PTPRD: variants seen among roughly 807,000 people sequenced by gnomAD.
The protein encoded by PTPRD is protein tyrosine phosphatase receptor type D, also known as receptor-type tyrosine-protein phosphatase delta.
Under a neutral mutation model 214.5 loss-of-function variants are expected in PTPRD, and 34 were observed. The ratio of observed to expected loss-of-function variants is 0.16; its 90% CI spans 0.12 to 0.21. PTPRD has a LOEUF of 0.21. Ranked by LOEUF, PTPRD falls within the 10% of genes least tolerant of loss-of-function variation. PTPRD has a pLI of 1.00. For synonymous variants in PTPRD, 1,128 were observed against 845.7 expected (o/e 1.33, Z -5.79); for missense variants, 2,545 against 2,398.7 (o/e 1.06, Z -1.27).
intron 2 of PTPRD, among the ~76,000 whole-genome samples, chr9:10,372,783 A>G (rs982399056): frequency 6.6e-6 from 1 of 151,752 alleles, no homozygotes; most frequent in African/African-American, 2.4e-5. Context: ...AAGTGTGACT[A>G]GCTTTTAGGC....
intron 5 of PTPRD, among the ~76,000 whole-genome samples, chr9:9,778,371 C>A (rs542583395): frequency 1.3e-5 from 2 of 152,210 alleles, no homozygotes; most frequent in South Asian, 4.1e-4. Context: ...AGGGGGATTT[C>A]CCTGGGGAAA....
intron 5 of PTPRD, among the ~76,000 whole-genome samples, chr9:9,928,025 G>A (rs2084958955): frequency 1.3e-5 from 2 of 152,210 alleles, no homozygotes; most frequent in South Asian, 4.1e-4. Flanking sequence ...AATGACTAAT[G>A]AACTCTGCTT....
chr9:8,666,033 A>G (rs2097162853), intron 12 of PTPRD, among the ~76,000 whole-genome samples: 1 of 142,400 alleles, frequency 7.0e-6, no homozygotes, highest in East Asian at 2.1e-4. Flanking sequence ...TAGGCGTTTC[A>G]TAACTGTTTT....
chr9:9,017,485 T>G (rs1589859614), intron 11 of PTPRD, among the ~76,000 whole-genome samples: 1 of 152,166 alleles, frequency 6.6e-6, no homozygotes, highest in South Asian at 2.1e-4. Flanking sequence ...AACTGTAAAT[T>G]TGAATTGTTT....
chr9:9,301,668 G>T (rs781240449), intron 9 of PTPRD, among the ~76,000 whole-genome samples: 1 of 151,800 alleles, frequency 6.6e-6, no homozygotes, highest in Non-Finnish European at 1.5e-5. Context: ...TGTCTCAATT[G>T]TTTATTGCAT....
At chr9:8,713,831 C>G (rs1278056389) in intron 12 of PTPRD, 5 of 1,504,438 alleles carry the variant, frequency 3.3e-6, no homozygotes, top group Non-Finnish European at 4.5e-6. Context: ...AGGCCCAACA[C>G]CTTCTTCTAG....
At chr9:9,987,893 A>G (rs2095778118) in intron 4 of PTPRD, among the ~76,000 whole-genome samples, 1 of 152,180 alleles carries the variant, frequency 6.6e-6, no homozygotes, top group Non-Finnish European at 1.5e-5. Context: ...TGCAGAAGGA[A>G]TGTTATTTAC....
intron 11 of PTPRD, among the ~76,000 whole-genome samples, chr9:9,014,467 A>T (rs574416996): frequency 6.6e-6 from 1 of 152,288 alleles, no homozygotes; most frequent in Non-Finnish European, 1.5e-5. Context: ...TAAAAGTGTT[A>T]ATATGAACGA....
chr9:9,063,458 A>C (rs1569521473), intron 10 of PTPRD, among the ~76,000 whole-genome samples: 1 of 152,318 alleles, frequency 6.6e-6, no homozygotes, highest in East Asian at 1.9e-4. Context: ...GGCTTCCCTT[A>C]TCCTATCAAA....
rs78806191 is a variant in PTPRD, at chr9:8,374,572, C to T, written c.4661+1364G>A. Reference sequence around the variant, plus strand: ...TCTAGATAAGACTTGAGGCCGATTACGCCATCACCTTCTTAGTTATCAGTA... The same window carrying T: ...TCTAGATAAGACTTGAGGCCGATTATGCCATCACCTTCTTAGTTATCAGTA... On this transcript the variant is annotated intron_variant, in intron 39 of 45. Coordinates refer to ENST00000381196, the MANE Select transcript of PTPRD (RefSeq NM_002839.4). 4.3e-3 allele frequency among the ~76,000 whole-genome samples: 653 copies of T among 152,148 alleles called. 8 individuals are homozygous for T. Among genetic ancestry groups the T allele is most frequent in the African/African-American group, 0.013 (542 of 41,532 alleles).
intron 4 of PTPRD, among the ~76,000 whole-genome samples, chr9:9,980,320 G>A (rs1170948577): frequency 4.0e-5 from 6 of 151,520 alleles, no homozygotes; most frequent in African/African-American, 1.2e-4. Context: ...TTAAAACTTC[G>A]TGGATGGGCC....
At chr9:9,168,279 T>C (rs1196995905) in intron 10 of PTPRD, among the ~76,000 whole-genome samples, 1 of 152,232 alleles carries the variant, frequency 6.6e-6, no homozygotes, top group Non-Finnish European at 1.5e-5. Context: ...CATAAAATCC[T>C]CTACAGAATA....
intron 25 of PTPRD, among the ~76,000 whole-genome samples, chr9:8,499,377 CA>C (rs1184287597): frequency 7.9e-5 from 12 of 152,032 alleles, no homozygotes; most frequent in Admixed American, 7.2e-4. Flanking sequence ...AAGGCAAACT[CA>C]AATATGGTTG....
intron 7 of PTPRD, among the ~76,000 whole-genome samples, chr9:9,728,614 G>A (rs558519214): frequency 6.6e-6 from 1 of 152,066 alleles, no homozygotes; most frequent in Non-Finnish European, 1.5e-5. Flanking sequence ...CAGAAACTAA[G>A]GCAAGAGTTG....
rs568757706 is a variant in PTPRD, at chr9:9,565,957, C to T, written c.-237+8775G>A. 3.9e-5 allele frequency among the ~76,000 whole-genome samples: 6 copies of T among 152,048 alleles called. No homozygotes were observed. The South Asian group carries it at 1.2e-3, about 32-fold the overall frequency. ...ATAATTTCATTTTTTTACTCTCTAA[C>T]AGGCCAGAAGTGTCAGATGGATTTA... is the stretch of plus-strand genomic sequence containing the variant. On this transcript the variant is annotated intron_variant, in intron 8 of 45. Transcript: ENST00000381196.
chr9:9,340,074 G>A (rs1029759093), intron 9 of PTPRD, among the ~76,000 whole-genome samples: 2 of 152,064 alleles, frequency 1.3e-5, no homozygotes, highest in Non-Finnish European at 2.9e-5. Context: ...ATAGATAAAT[G>A]GCACTCTAGG....
intron 4 of PTPRD, among the ~76,000 whole-genome samples, chr9:9,990,617 T>G (rs1180450010): frequency 6.6e-6 from 1 of 152,244 alleles, no homozygotes; most frequent in Admixed American, 6.5e-5. Flanking sequence ...AAATGTAGCT[T>G]CTTCTTAGAA....
chr9:9,948,988 C>CA (rs35983131), intron 4 of PTPRD, among the ~76,000 whole-genome samples: 7,080 of 151,962 alleles, frequency 0.047, 470 homozygotes, highest in Admixed American at 0.16. Context: ...GCAATGTCAG[C>CA]ATGGGGGGGC....
At chr9:10,199,650 A>C (rs77053775) in intron 3 of PTPRD, among the ~76,000 whole-genome samples, 87 of 152,142 alleles carry the variant, frequency 5.7e-4, no homozygotes, top group African/African-American at 2.0e-3. Flanking sequence ...GGATAATATA[A>C]TATTTATTAC....
Sources: gnomAD v4.1 joint callset for allele counts (sites outside exome capture counted in the v4.1 genomes callset) on GRCh38, gnomAD v4.1.1 for gene constraint, MANE v1.5 for transcripts, NCBI Gene and HGNC (gene_info 2026-07-23, HGNC 2026-07-21) for gene names.